EXOC7: variants seen among roughly 807,000 people sequenced by gnomAD.
EXOC7 encodes the protein exocyst complex component 7.
EXOC7 carries 51 observed loss-of-function variants against 87.6 expected under a neutral mutation model. The observed-to-expected ratio is 0.58, with a 90% confidence interval of 0.46 to 0.73. The LOEUF is 0.73. Ranked by LOEUF, EXOC7 falls within the 30% of genes least tolerant of loss-of-function variation. The pLI is 0.00. For synonymous variants in EXOC7, 327 were observed against 357.1 expected, an observed-to-expected ratio of 0.92 and a Z score of 0.95; for missense variants, 744 against 888.4, an observed-to-expected ratio of 0.84 and a Z score of 2.07.
At position 76,083,669 on chromosome 17, in the gene EXOC7, G is replaced by A. The variant is rs200397075; in HGVS notation, c.2034C>T (p.Arg678=). 1.2e-6 allele frequency: 2 copies of A among 1,613,790 alleles called. No individual in the cohort carries two copies. Among genetic ancestry groups the A allele is most frequent in the Admixed American group, 1.7e-5 (1 of 60,016 alleles). ...GVEQVGDMID[R]LFDTSA is the part of the protein sequence containing the mutation. ...AGGCTCAGGCAGAGGTGTCGAAAAG[G>A]CGATCGATCATGTCGCCCACCTGCT... is the stretch of plus-strand genomic sequence containing the variant. The change falls in exon 19 of 19, where the codon CGC becomes CGT. Residue 678 remains arginine, a synonymous_variant. Coordinates refer to ENST00000589210, the MANE Select transcript of EXOC7 (RefSeq NM_001013839.4).
intron 11 of EXOC7, 75 bp downstream of exon 11, chr17:76,087,985 T>G (rs2067289916): frequency 4.6e-6 from 7 of 1,534,386 alleles, no homozygotes; most frequent in Non-Finnish European, 6.3e-6. Flanking sequence ...CTTCCACCAG[T>G]ACTCTGCCTG....
intron 13 of EXOC7, 41 bp downstream of exon 13, chr17:76,086,039 G>A: frequency 6.2e-7 from 1 of 1,604,090 alleles, no homozygotes. Context: ...GGCAGGGCAT[G>A]CAGGCAGCAG....
chr17:76,094,901 A>G (rs1010994396), intron 5 of EXOC7, among the ~76,000 whole-genome samples: 1 of 149,418 alleles, frequency 6.7e-6, no homozygotes, highest in African/African-American at 2.5e-5. Flanking sequence ...GTGAGTCACC[A>G]TGCCTGGCCA....
chr17:76,102,658 T>C (rs935304322), intron 2 of EXOC7, among the ~76,000 whole-genome samples: 8 of 152,178 alleles, frequency 5.3e-5, no homozygotes, highest in African/African-American at 1.9e-4. Context: ...AGGACTTTAT[T>C]ATTGTGTGAC....
intron 2 of EXOC7, among the ~76,000 whole-genome samples, chr17:76,102,875 T>C (rs2068141667): frequency 6.6e-6 from 1 of 152,154 alleles, no homozygotes; most frequent in Admixed American, 6.6e-5. Context: ...CTGACACCAG[T>C]TACCTATCAG....
chr17:76,092,461 A>AT (rs993476002), intron 6 of EXOC7: 1 of 151,362 alleles, frequency 6.6e-6, no homozygotes, highest in East Asian at 1.9e-4. Flanking sequence ...CACCCAACTA[A>AT]TTTTTTTTCT....
At chr17:76,089,379 G>A (rs557411157) in intron 7 of EXOC7, 59 bp from the exon 8 acceptor site, 2 of 1,595,182 alleles carry the variant, frequency 1.3e-6, no homozygotes, top group South Asian at 1.1e-5. Context: ...TCCTGGCTGG[G>A]GGCGGCGTGG....
At chr17:76,098,087 C>A in intron 4 of EXOC7, 69 bp from the exon 5 acceptor site, 1 of 1,377,052 alleles carries the variant, frequency 7.3e-7, no homozygotes, top group South Asian at 1.2e-5. Context: ...CCTTCCCCTG[C>A]CTGTGCCAGC....
chr17:76,102,796 A>G (rs1236258087), intron 2 of EXOC7, among the ~76,000 whole-genome samples: 1 of 152,186 alleles, frequency 6.6e-6, no homozygotes. Flanking sequence ...AGTCGCATGC[A>G]TTAGCGCATA....
Position 76,087,600 on chromosome 17 carries a change from T to A in EXOC7, c.1429+54A>T, listed in dbSNP as rs73361873. ...CTGCTACCTGCCCTCTAACCCCATG[T>A]CTCCAGGCAAGGAGGCGAGTGGGGC... On this transcript the variant is annotated intron_variant, in intron 12 of 18. Transcript: ENST00000589210. 70 of 1,517,734 alleles carry A rather than the reference T, an allele frequency of 4.6e-5. No homozygotes were observed. In the Admixed American group the frequency reaches 5.1e-4, roughly 11 times the overall value. 94.0% of individuals were successfully genotyped at this position (1,517,734 alleles called of 1,614,324 possible). A position where few individuals can be genotyped will look rare whatever the true frequency, so the allele number is the denominator to read the frequency against.
intron 4 of EXOC7, among the ~76,000 whole-genome samples, chr17:76,100,277 G>C (rs1375525019): frequency 6.6e-6 from 1 of 152,060 alleles, no homozygotes; most frequent in Non-Finnish European, 1.5e-5. Flanking sequence ...GGAGATAATG[G>C]TGATGGCTAC....
chr17:76,101,717 G>A lies in EXOC7; in HGVS notation c.273C>T (p.Tyr91=), dbSNP rs183131486. 1.7e-5 allele frequency: 27 copies of A among 1,614,026 alleles called. No homozygotes were observed. The East Asian group carries it at 5.6e-4, about 33-fold the overall frequency. Residue 91 remains tyrosine, a synonymous_variant, in exon 3 of 19, where the codon TAC becomes TAT. Transcript: ENST00000589210. ...LSCLDHVISY[Y]HVASDTEKII... is the part of the protein sequence containing the mutation. ...TCTTCTCAGTGTCACTGGCCACATG[G>A]TAGTAGCTGATGACATGGTCCAGGC...
chr17:76,092,303 T>TG (rs1567975116), intron 6 of EXOC7: 2 of 148,764 alleles, frequency 1.3e-5, no homozygotes, highest in East Asian at 3.9e-4. Context: ...TTTTTTTTTT[T>TG]TTTTTTTTTT....
chr17:76,098,054 C>T lies in EXOC7; in HGVS notation c.418-36G>A, dbSNP rs757583461. 6 of 1,577,872 alleles carry T rather than the reference C, an allele frequency of 3.8e-6. No individual in the cohort carries two copies. In the East Asian group the frequency reaches 1.1e-4, roughly 29 times the overall value. On this transcript the variant is annotated intron_variant, in intron 4 of 18. Transcript: ENST00000589210. ...AACAGAAGGAAGCAGGTGCCTGCTG[C>T]TTCAGTGTTCTGCCAGTCCTGGCCT...
chr17:76,085,612 G>C, intron 14 of EXOC7, 65 bp downstream of exon 14: 1 of 1,611,880 alleles, frequency 6.2e-7, no homozygotes, highest in Non-Finnish European at 8.5e-7. Flanking sequence ...GGGGGCAGGG[G>C]CTGGCACAGC....
intron 12 of EXOC7, 23 bp downstream of exon 12, chr17:76,087,631 G>C: frequency 6.5e-7 from 1 of 1,549,842 alleles, no homozygotes; most frequent in African/African-American, 1.4e-5. Flanking sequence ...GGGGCAGGGG[G>C]CCCAACTGGG....
chr17:76,081,912 T>C lies in EXOC7; in HGVS notation c.*1736A>G. ...TACTTCACCATCCTGCTGCTGCTGC[T>C]CTTCCTCAGCACCATAGAGACTGTG... is the stretch of plus-strand genomic sequence containing the variant. On this transcript the variant is annotated 3_prime_UTR_variant, in exon 19 of 19. Transcript: ENST00000589210. The C allele has an allele frequency of 4.3e-6, 7 of 1,611,254 alleles. No individual in the cohort carries two copies. Among genetic ancestry groups the C allele is most frequent in the Non-Finnish European group, 5.9e-6 (7 of 1,178,348 alleles).
At chr17:76,089,401 C>T in intron 7 of EXOC7, 81 bp from the exon 8 acceptor site, 1 of 1,550,344 alleles carries the variant, frequency 6.5e-7, no homozygotes, top group Non-Finnish European at 8.8e-7. Flanking sequence ...TCCCCCAGCT[C>T]CTGGCCTGTA....
chr17:76,101,252 T>C lies in EXOC7; in HGVS notation c.417+19A>G. On this transcript the variant is annotated intron_variant, in intron 4 of 18. Transcript: ENST00000589210. ...ACTGATATCCCCAAGCTTCTCACGTTATTCTGCGGACCCCTTACCACTTTG... is the reference window on the plus strand; with the variant it reads ...ACTGATATCCCCAAGCTTCTCACGTCATTCTGCGGACCCCTTACCACTTTG... 1.2e-6 allele frequency: 2 copies of C among 1,614,058 alleles called. No individual in the cohort carries two copies. Among genetic ancestry groups the C allele is most frequent in the Non-Finnish European group, 1.7e-6 (2 of 1,180,018 alleles).
Sources: allele counts gnomAD v4.1 joint callset (sites outside exome capture counted in the v4.1 genomes callset), GRCh38; gene constraint gnomAD v4.1.1; transcripts MANE v1.5; gene names NCBI Gene and HGNC (gene_info 2026-07-23, HGNC 2026-07-21).